The following PPFIA2 variants were observed in gnomAD, a reference collection of about 807,000 sequenced individuals.
The protein encoded by PPFIA2 is PPFI scaffold protein A2.
Under a neutral mutation model 175.5 loss-of-function variants are expected in PPFIA2, and 46 were observed. The observed-to-expected ratio is 0.26, with a 90% confidence interval of 0.21 to 0.34. The LOEUF is 0.34. Ranked by LOEUF, PPFIA2 falls within the 10% of genes least tolerant of loss-of-function variation. The probability of loss-of-function intolerance (pLI) is 1.00; values close to 1 mark genes in which losing one functional copy is unlikely to be tolerated. For missense variants in PPFIA2, 1,179 were observed against 1,506.1 expected (o/e 0.78, Z 3.60); for synonymous variants, 568 against 511.4 (o/e 1.11, Z -1.49).
Position 81,614,273 on chromosome 12 carries a change from T to C in PPFIA2, c.303+62518A>G, listed in dbSNP as rs2061225481. On this transcript the variant is annotated intron_variant, in intron 4 of 32. Coordinates refer to ENST00000549396, the MANE Select transcript of PPFIA2 (RefSeq NM_003625.5). ...TGTGGTCTAAAAAACAGAAAGCAGA[T>C]GTTTTCGTGCTCTTCAATGTATGCT... Among the ~76,000 whole-genome samples the C allele has an allele frequency of 2.0e-5, 3 of 152,098 alleles. No individual in the cohort carries two copies. The South Asian group carries it at 6.2e-4, about 32-fold the overall frequency.
At chr12:81,713,862 A>T (rs2153619043) in intron 3 of PPFIA2, among the ~76,000 whole-genome samples, 1 of 151,502 alleles carries the variant, frequency 6.6e-6, no homozygotes, top group African/African-American at 2.4e-5. Flanking sequence ...TAAAGCTTAT[A>T]TTCTAGAGAA....
At chr12:81,742,402 T>C (rs150796005) in intron 3 of PPFIA2, among the ~76,000 whole-genome samples, 1 of 152,138 alleles carries the variant, frequency 6.6e-6, no homozygotes, top group Non-Finnish European at 1.5e-5. Flanking sequence ...GCAGAGGTAC[T>C]TATAGTGGTT....
chr12:81,308,218 G>A (rs1369530154), intron 22 of PPFIA2, among the ~76,000 whole-genome samples: 1 of 152,150 alleles, frequency 6.6e-6, no homozygotes, highest in Non-Finnish European at 1.5e-5. Context: ...ATAGTGGTTT[G>A]AAAGAGCAAA....
rs974023224 is a variant in PPFIA2, at chr12:81,447,694, G to C, written c.406-1974C>G. Among the ~76,000 whole-genome samples, 47 of 152,140 alleles carry C rather than the reference G, an allele frequency of 3.1e-4. 1 individual carries two copies. Among genetic ancestry groups the C allele is most frequent in the Admixed American group, 6.6e-5 (1 of 15,266 alleles). On this transcript the variant is annotated intron_variant, in intron 5 of 32. Coordinates refer to ENST00000549396, the MANE Select transcript of PPFIA2 (RefSeq NM_003625.5). ...TTTCCCATTGCAATAAAAGCTCCATGAGAGTTGGCACAGTGTCCGCCTTAA... is the reference window on the plus strand; with the variant it reads ...TTTCCCATTGCAATAAAAGCTCCATCAGAGTTGGCACAGTGTCCGCCTTAA...
intron 3 of PPFIA2, among the ~76,000 whole-genome samples, chr12:81,730,901 C>CAA (rs367916852): frequency 2.4e-4 from 36 of 147,778 alleles, no homozygotes; most frequent in Non-Finnish European, 4.2e-4. Context: ...CTTGTTATGA[C>CAA]AAAAAAAAAA....
At chr12:81,686,195 A>T (rs1454574927) in intron 3 of PPFIA2, among the ~76,000 whole-genome samples, 1 of 152,102 alleles carries the variant, frequency 6.6e-6, no homozygotes, top group Non-Finnish European at 1.5e-5. Flanking sequence ...TTGCAGGCAG[A>T]ATAATTCTGA....
intron 4 of PPFIA2, among the ~76,000 whole-genome samples, chr12:81,543,232 T>C (rs2066477877): frequency 6.6e-6 from 1 of 152,034 alleles, no homozygotes; most frequent in South Asian, 2.1e-4. Flanking sequence ...TTGGGAAATA[T>C]ACAAGACAAG....
At chr12:81,382,722 T>C (rs960208541) in intron 9 of PPFIA2, among the ~76,000 whole-genome samples, 3 of 151,934 alleles carry the variant, frequency 2.0e-5, no homozygotes, top group African/African-American at 4.8e-5. Context: ...GCTGAGAAAA[T>C]ATCAAGAAAA....
At chr12:81,583,213 T>C (rs1297112547) in intron 4 of PPFIA2, among the ~76,000 whole-genome samples, 1 of 151,928 alleles carries the variant, frequency 6.6e-6, no homozygotes. Flanking sequence ...TTCCAATATT[T>C]CCCACTCTCC....
chr12:81,359,143 T>C (rs2061273543), intron 15 of PPFIA2, among the ~76,000 whole-genome samples: 1 of 152,078 alleles, frequency 6.6e-6, no homozygotes, highest in African/African-American at 2.4e-5. Context: ...GGAAATATAC[T>C]TAAAGCTGTT....
rs201117138 is a variant in PPFIA2, at chr12:81,488,961, A to AT, written c.304-31096dup. 9.1e-4 allele frequency among the ~76,000 whole-genome samples: 138 copies of AT among 152,012 alleles called. 1 individual carries two copies. The highest frequency in any genetic ancestry group is 3.3e-3 in the African/African-American group (137 of 41,524). On this transcript the variant is annotated intron_variant, in intron 4 of 32. Coordinates refer to ENST00000549396, the MANE Select transcript of PPFIA2 (RefSeq NM_003625.5). The stretch of plus-strand genomic sequence containing the variant: ...CAATTAGGCACAGCGCAATGATTCT[A>AT]TGACTGCAGGTTAGCCACATAAACA...
intron 4 of PPFIA2, among the ~76,000 whole-genome samples, chr12:81,519,390 T>C (rs1385297205): frequency 6.6e-6 from 1 of 152,222 alleles, no homozygotes; most frequent in East Asian, 1.9e-4. Context: ...CCCAAATTAT[T>C]AATTACATCA....
At chr12:81,367,525 G>T (rs920987124) in intron 13 of PPFIA2, among the ~76,000 whole-genome samples, 5 of 151,614 alleles carry the variant, frequency 3.3e-5, no homozygotes, top group East Asian at 1.9e-4. Flanking sequence ...AATCTTAGAG[G>T]TGTTATAAAA....
In PPFIA2 at chr12:81,595,804, A is replaced by G. The variant is rs145097784; in HGVS notation, c.303+80987T>C. Among the ~76,000 whole-genome samples the G allele has an allele frequency of 6.2e-4, 94 of 152,300 alleles. No individual in the cohort carries two copies. In the East Asian group the frequency reaches 0.017, roughly 27 times the overall value. On this transcript the variant is annotated intron_variant, in intron 4 of 32. Coordinates refer to ENST00000549396, the MANE Select transcript of PPFIA2 (RefSeq NM_003625.5). ...TGATAGCATACCATGTCAGAAAAAA[A>G]TGACAGGATAGTTTGGATGTTTAAC... is the stretch of plus-strand genomic sequence containing the variant.
At chr12:81,694,838 A>G (rs1006837457) in intron 3 of PPFIA2, among the ~76,000 whole-genome samples, 1 of 152,182 alleles carries the variant, frequency 6.6e-6, no homozygotes, top group Non-Finnish European at 1.5e-5. Flanking sequence ...AAGACACAGA[A>G]GTGGAGCTTT....
chr12:81,532,230 A>G (rs1429068919), intron 4 of PPFIA2, among the ~76,000 whole-genome samples: 1 of 151,876 alleles, frequency 6.6e-6, no homozygotes, highest in African/African-American at 2.4e-5. Context: ...TGCAGCTGGA[A>G]GATTATATAC....
chr12:81,459,648 T>G (rs2054180395), intron 4 of PPFIA2, among the ~76,000 whole-genome samples: 1 of 152,106 alleles, frequency 6.6e-6, no homozygotes, highest in South Asian at 2.1e-4. Flanking sequence ...GTAAGTGCAC[T>G]GAAACAATCA....
At chr12:81,603,874 T>C (rs2153458722) in intron 4 of PPFIA2, among the ~76,000 whole-genome samples, 1 of 151,166 alleles carries the variant, frequency 6.6e-6, no homozygotes, top group South Asian at 2.1e-4. Context: ...TGTCCCTTAC[T>C]GTTTTCCTTT....
At chr12:81,484,647 C>T (rs1189250183) in intron 4 of PPFIA2, among the ~76,000 whole-genome samples, 5 of 151,914 alleles carry the variant, frequency 3.3e-5, no homozygotes, top group Non-Finnish European at 7.4e-5. Flanking sequence ...AATATACATG[C>T]TAGGCCAGAC....
Sources: allele counts gnomAD v4.1 joint callset (sites outside exome capture counted in the v4.1 genomes callset), GRCh38; gene constraint gnomAD v4.1.1; transcripts MANE v1.5; gene names NCBI Gene and HGNC (gene_info 2026-07-23, HGNC 2026-07-21).